The following GALNTL6 variants were observed in gnomAD, a reference collection of about 807,000 sequenced individuals.
GALNTL6 encodes the protein polypeptide N-acetylgalactosaminyltransferase-like 6.
In GALNTL6, 46 loss-of-function variants were observed where a neutral mutation model predicts 73.7. The ratio of observed to expected loss-of-function variants is 0.62; its 90% confidence interval spans 0.49 to 0.80. GALNTL6 has a LOEUF of 0.80. Among genes scored for constraint, GALNTL6 ranks in the 30% least tolerant of loss-of-function variants. The probability of loss-of-function intolerance (pLI) is 0.00; values close to 1 mark genes in which losing one functional copy is unlikely to be tolerated. For synonymous variants in GALNTL6, 259 were observed against 263.7 expected (o/e 0.98, Z 0.17); for missense variants, 604 against 755.0 (o/e 0.80, Z 2.34).
At chr4:172,468,184 A>T (rs1732908856) in intron 5 of GALNTL6, among the ~76,000 whole-genome samples, 1 of 152,174 alleles carries the variant, frequency 6.6e-6, no homozygotes, top group East Asian at 1.9e-4. Flanking sequence ...GAGCCACTGT[A>T]CTCAGCCTAC....
At chr4:172,216,131 C>T (rs1448923391) in intron 2 of GALNTL6, among the ~76,000 whole-genome samples, 3 of 152,034 alleles carry the variant, frequency 2.0e-5, no homozygotes, top group African/African-American at 7.2e-5. Context: ...TTTATTCATG[C>T]TCTTTATTTA....
At chr4:172,613,704 T>C (rs1738616347) in intron 5 of GALNTL6, among the ~76,000 whole-genome samples, 2 of 152,172 alleles carry the variant, frequency 1.3e-5, no homozygotes, top group South Asian at 2.1e-4. Context: ...AAAAATACCA[T>C]ATTTTTTGAA....
At chr4:172,228,344 A>G (rs1736938691) in intron 2 of GALNTL6, among the ~76,000 whole-genome samples, 1 of 152,070 alleles carries the variant, frequency 6.6e-6, no homozygotes, top group Admixed American at 6.5e-5. Context: ...GAGCTCACCA[A>G]TATTATGAGC....
intron 2 of GALNTL6, among the ~76,000 whole-genome samples, chr4:171,837,626 A>G (rs1430108887): frequency 6.8e-6 from 1 of 147,136 alleles, no homozygotes; most frequent in African/African-American, 2.5e-5. Context: ...TATATAATGT[A>G]TATATTTATA....
At chr4:172,926,500 A>AG (rs1748067249) in intron 8 of GALNTL6, among the ~76,000 whole-genome samples, 1 of 152,242 alleles carries the variant, frequency 6.6e-6, no homozygotes, top group African/African-American at 2.4e-5. Context: ...AGTGAAGAAT[A>AG]GGTTAAGGCC....
intron 5 of GALNTL6, among the ~76,000 whole-genome samples, chr4:172,682,481 A>G (rs1025001168): frequency 1.2e-4 from 18 of 152,204 alleles, no homozygotes; most frequent in Admixed American, 5.9e-4. Flanking sequence ...TGTAATAAAG[A>G]CTTTGTAAAC....
intron 10 of GALNTL6, among the ~76,000 whole-genome samples, chr4:172,983,065 A>G (rs746081028): frequency 6.6e-5 from 10 of 152,218 alleles, no homozygotes; most frequent in Admixed American, 4.6e-4. Context: ...GATTCCCTAA[A>G]AGCCCTGACT....
intron 5 of GALNTL6, among the ~76,000 whole-genome samples, chr4:172,768,123 A>T (rs1202446971): frequency 6.6e-6 from 1 of 152,226 alleles, no homozygotes; most frequent in Non-Finnish European, 1.5e-5. Context: ...TTTTAGAGTT[A>T]AAAGGCTGAA....
chr4:171,828,538 T>C (rs1315732403), intron 2 of GALNTL6, among the ~76,000 whole-genome samples: 1 of 152,172 alleles, frequency 6.6e-6, no homozygotes, highest in East Asian at 1.9e-4. Context: ...CAATTCATCT[T>C]ATAAACAAAC....
intron 2 of GALNTL6, among the ~76,000 whole-genome samples, chr4:172,155,001 CTT>C (rs200223937): frequency 5.6e-5 from 8 of 143,944 alleles, no homozygotes; most frequent in Admixed American, 6.9e-5. Flanking sequence ...AAATCGTATC[CTT>C]TTTTTTTTTT....
intron 2 of GALNTL6, among the ~76,000 whole-genome samples, chr4:172,042,405 T>C (rs1742109450): frequency 6.6e-6 from 1 of 152,076 alleles, no homozygotes; most frequent in Non-Finnish European, 1.5e-5. Context: ...TAACTTGTAT[T>C]TCCAGCCTAG....
intron 2 of GALNTL6, among the ~76,000 whole-genome samples, chr4:171,980,851 C>T (rs1244499338): frequency 6.6e-6 from 1 of 152,122 alleles, no homozygotes. Flanking sequence ...ATGAAATATT[C>T]CTAACTGAGG....
intron 5 of GALNTL6, among the ~76,000 whole-genome samples, chr4:172,521,037 T>G (rs1363794521): frequency 6.6e-6 from 1 of 152,060 alleles, no homozygotes; most frequent in African/African-American, 2.4e-5. Context: ...GAAAAGATGT[T>G]TTCTTTATTT....
At chr4:171,976,486 G>A (rs1223724775) in intron 2 of GALNTL6, among the ~76,000 whole-genome samples, 2 of 152,166 alleles carry the variant, frequency 1.3e-5, no homozygotes, top group Non-Finnish European at 2.9e-5. Context: ...ATTTGAGATA[G>A]GGTGTTCAAA....
chr4:171,866,617 A>G (rs1578923859), intron 2 of GALNTL6, among the ~76,000 whole-genome samples: 2 of 152,202 alleles, frequency 1.3e-5, no homozygotes, highest in Non-Finnish European at 2.9e-5. Context: ...AGTACCATAG[A>G]CCAGATGACT....
intron 5 of GALNTL6, among the ~76,000 whole-genome samples, chr4:172,557,759 A>G (rs1044544683): frequency 2.6e-5 from 4 of 152,226 alleles, no homozygotes; most frequent in Admixed American, 1.3e-4. Flanking sequence ...TGACAATGAT[A>G]TGAAACATCT....
chr4:172,001,475 C>T (rs575382716), intron 2 of GALNTL6, among the ~76,000 whole-genome samples: 8 of 152,236 alleles, frequency 5.3e-5, no homozygotes, highest in African/African-American at 1.9e-4. Context: ...GAGATGGGTT[C>T]AGAATAGACT....
At chr4:172,034,222 T>C (rs1050886516) in intron 2 of GALNTL6, among the ~76,000 whole-genome samples, 2 of 152,118 alleles carry the variant, frequency 1.3e-5, no homozygotes, top group South Asian at 4.1e-4. Flanking sequence ...GCCTGAGTTC[T>C]CAAAGTGCTC....
chr4:172,528,348 A>G (rs1289346335), intron 5 of GALNTL6, among the ~76,000 whole-genome samples: 1 of 105,870 alleles, frequency 9.4e-6, no homozygotes, highest in Non-Finnish European at 1.9e-5. Context: ...ATATATATAT[A>G]TATATATATA....
Sources: gnomAD v4.1 joint callset for allele counts (sites outside exome capture counted in the v4.1 genomes callset) on GRCh38, gnomAD v4.1.1 for gene constraint, MANE v1.5 for transcripts, NCBI Gene and HGNC (gene_info 2026-07-23, HGNC 2026-07-21) for gene names.